Variants in ARHGEF28 observed in about 807,000 individuals in gnomAD.
ARHGEF28 encodes the protein Rho guanine nucleotide exchange factor 28.
ARHGEF28 carries 152 observed loss-of-function variants against 206.6 expected under a neutral mutation model. That is an observed-to-expected ratio of 0.74 (90% CI 0.64 to 0.84). ARHGEF28 has a LOEUF of 0.84. Ranked by LOEUF, ARHGEF28 falls within the 40% of genes least tolerant of loss-of-function variation. The pLI is 0.00. For missense variants in ARHGEF28, 2,028 were observed against 2,073.2 expected, an observed-to-expected ratio of 0.98 and a Z score of 0.42; for synonymous variants, 763 against 776.4, an observed-to-expected ratio of 0.98 and a Z score of 0.29.
chr5:73,770,649 A>C (rs1248233031), intron 4 of ARHGEF28, among the ~76,000 whole-genome samples: 1 of 152,182 alleles, frequency 6.6e-6, no homozygotes, highest in African/African-American at 2.4e-5. Context: ...AGGCAGAATT[A>C]TTTATATATG....
At chr5:73,637,656 G>A (rs2112130876) in intron 1 of ARHGEF28, among the ~76,000 whole-genome samples, 1 of 152,314 alleles carries the variant, frequency 6.6e-6, no homozygotes, top group South Asian at 2.1e-4. Flanking sequence ...AGGGAGTTTT[G>A]GGAGTGTTAT....
At chr5:73,804,702 A>ATT (rs5868697) in intron 9 of ARHGEF28, among the ~76,000 whole-genome samples, 3 of 151,162 alleles carry the variant, frequency 2.0e-5, no homozygotes, top group Admixed American at 6.6e-5. Flanking sequence ...GTTTTTTCTG[A>ATT]TTTTTTTTTC....
chr5:73,780,351 CCTT>C (rs1753766857), intron 6 of ARHGEF28: 1 of 295,514 alleles, frequency 3.4e-6, no homozygotes, highest in South Asian at 4.1e-5. Context: ...GGCCAGAAGC[CCTT>C]CTTTCTGGCG....
At chr5:73,650,857 C>T (rs1042406366) in intron 1 of ARHGEF28, among the ~76,000 whole-genome samples, 8 of 152,100 alleles carry the variant, frequency 5.3e-5, no homozygotes, top group African/African-American at 1.9e-4. Context: ...GTCATGTTGT[C>T]AGGCTGGTCT....
chr5:73,653,811 T>G (rs1249352691), intron 1 of ARHGEF28, among the ~76,000 whole-genome samples: 1 of 152,214 alleles, frequency 6.6e-6, no homozygotes, highest in Admixed American at 6.5e-5. Flanking sequence ...GGTTTGGCAT[T>G]CCTGCCCTCT....
chr5:73,869,914 A>G (rs909888114), intron 20 of ARHGEF28, among the ~76,000 whole-genome samples, 155 bp from the exon 21 acceptor site: 1 of 152,052 alleles, frequency 6.6e-6, no homozygotes, highest in Non-Finnish European at 1.5e-5. Context: ...TCAAAAAAAA[A>G]CAGATGTTTC....
Position 73,762,468 on chromosome 5 carries a change from A to C in ARHGEF28, c.475+9266A>C, listed in dbSNP as rs1366104632. 5.3e-5 allele frequency among the ~76,000 whole-genome samples: 8 copies of C among 150,262 alleles called. No individual in the cohort carries two copies. In the South Asian group the frequency reaches 6.2e-4, roughly 12 times the overall value. On this transcript the variant is annotated intron_variant, in intron 4 of 35. Coordinates refer to ENST00000513042, the MANE Select transcript of ARHGEF28 (RefSeq NM_001177693.2). ...AAGACTCCCTCTCAAAAAAAAAAAA[A>C]AAAAAAACAAAACAACAACAACAAA...
At chr5:73,643,538 G>A (rs553000140) in intron 1 of ARHGEF28, among the ~76,000 whole-genome samples, 1 of 152,108 alleles carries the variant, frequency 6.6e-6, no homozygotes, top group African/African-American at 2.4e-5. Context: ...ATTTGGGCTG[G>A]GCATGGTGGC....
chr5:73,631,959 C>T (rs1318332795), intron 1 of ARHGEF28, among the ~76,000 whole-genome samples: 1 of 152,116 alleles, frequency 6.6e-6, no homozygotes, highest in East Asian at 1.9e-4. Context: ...ACCACCTGTC[C>T]CTGGGTTCAT....
intron 9 of ARHGEF28, among the ~76,000 whole-genome samples, chr5:73,806,824 A>T (rs899415123): frequency 1.4e-5 from 2 of 145,868 alleles, no homozygotes; most frequent in African/African-American, 5.0e-5. Flanking sequence ...CATATATACG[A>T]TATATCGTAT....
At chr5:73,727,690 G>A (rs896553896) in intron 2 of ARHGEF28, among the ~76,000 whole-genome samples, 3 of 152,322 alleles carry the variant, frequency 2.0e-5, no homozygotes, top group Middle Eastern at 6.8e-3. Context: ...TTTGAGAACA[G>A]CTGTCATATC....
rs777818319 is a variant in ARHGEF28, at chr5:73,679,348, C to T, written c.-11-5493C>T. 2.4e-3 allele frequency among the ~76,000 whole-genome samples: 363 copies of T among 152,170 alleles called. 4 individuals carry two copies. Among genetic ancestry groups the T allele is most frequent in the Non-Finnish European group, 3.9e-3 (266 of 68,024 alleles). On this transcript the variant is annotated intron_variant, in intron 1 of 35. Transcript: ENST00000513042. Reference sequence around the variant, plus strand: ...TTGGGAGGCCAAGGCAGGCAGATCACCTGAGGTCAGGAGTTCGAGACCAGC... The same window carrying T: ...TTGGGAGGCCAAGGCAGGCAGATCATCTGAGGTCAGGAGTTCGAGACCAGC...
chr5:73,821,373 C>T (rs1399162604), intron 9 of ARHGEF28, among the ~76,000 whole-genome samples: 1 of 152,070 alleles, frequency 6.6e-6, no homozygotes, highest in Non-Finnish European at 1.5e-5. Flanking sequence ...AGTTTTTTGT[C>T]TATAGAACTC....
Position 73,867,948 on chromosome 5 carries a change from C to A in ARHGEF28, c.2225C>A (p.Pro742Gln). The change falls in exon 19 of 36, where the codon CCG (proline) becomes CAG (glutamine). Residue 742 changes from proline (P) to glutamine (Q), a missense_variant. Physicochemically the swap from Pro to Gln is moderately conservative, Grantham distance 76. This residue lies in a region of ARHGEF28 where 1,002 missense variants were observed against 1,015.3 expected (regional missense o/e 0.99). Coordinates refer to ENST00000513042, the MANE Select transcript of ARHGEF28 (RefSeq NM_001177693.2). The part of the protein sequence containing the change: ...HPSSSVPVGL[P>Q]TGRRETVGQV... ...TCTTCCTCCGTGCCTGTTGGATTGC[C>A]GACTGGAAGGAGGGAGACTGTGGGA... 15 of 1,613,962 alleles carry A rather than the reference C, an allele frequency of 9.3e-6. No individual in the cohort carries two copies. The highest frequency in any genetic ancestry group is 1.3e-5 in the Non-Finnish European group (15 of 1,179,874).
At chr5:73,763,142 G>A (rs1332416214) in intron 4 of ARHGEF28, among the ~76,000 whole-genome samples, 1 of 152,096 alleles carries the variant, frequency 6.6e-6, no homozygotes, top group African/African-American at 2.4e-5. Context: ...CTGTATTCCT[G>A]GTTGACTTTT....
intron 35 of ARHGEF28, among the ~76,000 whole-genome samples, chr5:73,917,295 A>G (rs1437693348): frequency 1.3e-5 from 2 of 152,228 alleles, no homozygotes; most frequent in African/African-American, 2.4e-5. Flanking sequence ...AATCGTGACT[A>G]TCACATTAGG....
chr5:73,703,695 G>C (rs910866118), intron 2 of ARHGEF28, among the ~76,000 whole-genome samples: 7 of 149,304 alleles, frequency 4.7e-5, no homozygotes, highest in Non-Finnish European at 8.9e-5. Flanking sequence ...GTCTATCTTC[G>C]TATAGAAGTA....
chr5:73,760,187 G>C (rs1392929330), intron 4 of ARHGEF28, among the ~76,000 whole-genome samples: 1 of 152,138 alleles, frequency 6.6e-6, no homozygotes, highest in Admixed American at 6.6e-5. Context: ...TTGTTACTCT[G>C]CCATAAAGCT....
At chr5:73,915,683 T>A (rs1763172823) in intron 35 of ARHGEF28, among the ~76,000 whole-genome samples, 1 of 152,224 alleles carries the variant, frequency 6.6e-6, no homozygotes, top group African/African-American at 2.4e-5. Context: ...CTTGTGGCTT[T>A]TTTTCTCCTA....
Sources: gnomAD v4.1 joint callset for allele counts (sites outside exome capture counted in the v4.1 genomes callset) on GRCh38, gnomAD v4.1.1 for gene constraint, gnomAD v4.1.1 regional missense constraint, MANE v1.5 for transcripts, NCBI Gene and HGNC (gene_info 2026-07-23, HGNC 2026-07-21) for gene names.